The following ST6GALNAC3 variants were observed in gnomAD, a reference collection of about 807,000 sequenced individuals.
ST6GALNAC3 encodes the protein ST6 N-acetylgalactosaminide alpha-2,6-sialyltransferase 3.
A neutral mutation model predicts 32.7 loss-of-function variants in ST6GALNAC3; 25 were observed. The ratio of observed to expected loss-of-function variants is 0.76; its 90% CI spans 0.56 to 1.07. The LOEUF is 1.07. Ranked by LOEUF, ST6GALNAC3 falls within the 50% of genes least tolerant of loss-of-function variation. The pLI is 0.00. For synonymous variants in ST6GALNAC3, 129 were observed against 133.1 expected (o/e 0.97, Z 0.21); for missense variants, 355 against 382.4 (o/e 0.93, Z 0.60).
chr1:76,488,074 G>A (rs2101681229), intron 3 of ST6GALNAC3, among the ~76,000 whole-genome samples: 1 of 152,260 alleles, frequency 6.6e-6, no homozygotes, highest in South Asian at 2.1e-4. Context: ...GAAGAAGAGT[G>A]ATATAGTCTG....
chr1:76,278,305 TCCG>T (rs1459012810), intron 1 of ST6GALNAC3, among the ~76,000 whole-genome samples: 2 of 149,474 alleles, frequency 1.3e-5, no homozygotes, highest in Non-Finnish European at 3.0e-5. Flanking sequence ...CACTGCAAGC[TCCG>T]CCTCCCGGGT....
intron 1 of ST6GALNAC3, among the ~76,000 whole-genome samples, chr1:76,149,958 G>T (rs1016471071): frequency 6.6e-6 from 1 of 152,180 alleles, no homozygotes; most frequent in African/African-American, 2.4e-5. Flanking sequence ...CCTAGAGCCA[G>T]AGCTCACCTG....
intron 3 of ST6GALNAC3, among the ~76,000 whole-genome samples, chr1:76,464,824 A>C (rs1658519589): frequency 6.6e-6 from 1 of 152,302 alleles, no homozygotes; most frequent in Middle Eastern, 3.4e-3. Context: ...TGACTTTCCC[A>C]GGGAAGCACA....
chr1:76,536,464 TA>T (rs986319554), intron 3 of ST6GALNAC3, among the ~76,000 whole-genome samples: 1 of 151,924 alleles, frequency 6.6e-6, no homozygotes, highest in African/African-American at 2.4e-5. Flanking sequence ...AAGCTCCATA[TA>T]AAACCATCAG....
chr1:76,376,074 AGT>A (rs1295135744), intron 2 of ST6GALNAC3, among the ~76,000 whole-genome samples: 4 of 151,672 alleles, frequency 2.6e-5, no homozygotes, highest in Non-Finnish European at 5.9e-5. Flanking sequence ...CTTACTTTTT[AGT>A]GTATATTTCC....
Position 76,313,796 on chromosome 1 carries a change from G to A in ST6GALNAC3, c.19-9G>A. On this transcript the variant is annotated splice_polypyrimidine_tract_variant and intron_variant, in intron 1 of 4. Transcript: ENST00000328299. ...TCGTTCTTCTTTTTGTTTTTTTAAT[G>A]TTTTGTAGAGAAAGTCTGTGATTGC... 1 of 1,611,826 alleles carries A rather than the reference G, an allele frequency of 6.2e-7. No individual in the cohort carries two copies. Among genetic ancestry groups the A allele is most frequent in the Non-Finnish European group, 8.5e-7 (1 of 1,179,050 alleles).
chr1:76,464,628 C>A (rs904058351), intron 3 of ST6GALNAC3, among the ~76,000 whole-genome samples: 2 of 152,166 alleles, frequency 1.3e-5, no homozygotes, highest in African/African-American at 4.8e-5. Flanking sequence ...CATTTAAGCC[C>A]CTGGCAACAG....
intron 1 of ST6GALNAC3, among the ~76,000 whole-genome samples, chr1:76,088,772 GTATC>G (rs1399714661): frequency 1.3e-5 from 2 of 152,216 alleles, no homozygotes; most frequent in African/African-American, 4.8e-5. Context: ...TTATCGCTGT[GTATC>G]TATCATCTAG....
At chr1:76,305,045 C>T (rs1331683487) in intron 1 of ST6GALNAC3, among the ~76,000 whole-genome samples, 1 of 152,076 alleles carries the variant, frequency 6.6e-6, no homozygotes, top group African/African-American at 2.4e-5. Context: ...CTTTCCTCAA[C>T]AGAATGCCCG....
chr1:76,610,160 A>C (rs1286747843), intron 3 of ST6GALNAC3, among the ~76,000 whole-genome samples: 2 of 152,060 alleles, frequency 1.3e-5, no homozygotes, highest in African/African-American at 2.4e-5. Flanking sequence ...ATAGGATTTT[A>C]TTTTCTTAAT....
At chr1:76,085,697 C>A (rs181066870) in intron 1 of ST6GALNAC3, among the ~76,000 whole-genome samples, 27 of 152,276 alleles carry the variant, frequency 1.8e-4, no homozygotes, top group Admixed American at 5.9e-4. Flanking sequence ...GAATTTGTAT[C>A]TCTAACAAGC....
At chr1:76,494,970 C>G (rs907660091) in intron 3 of ST6GALNAC3, among the ~76,000 whole-genome samples, 3 of 152,060 alleles carry the variant, frequency 2.0e-5, no homozygotes, top group East Asian at 1.9e-4. Context: ...TGTCCCAGCT[C>G]AAGGCAGTCA....
intron 3 of ST6GALNAC3, among the ~76,000 whole-genome samples, chr1:76,487,076 A>G (rs1233442495): frequency 6.6e-6 from 1 of 152,116 alleles, no homozygotes; most frequent in East Asian, 1.9e-4. Context: ...TGGCTTGTAG[A>G]GTTTCTGCCA....
At chr1:76,546,690 T>G (rs1664317682) in intron 3 of ST6GALNAC3, among the ~76,000 whole-genome samples, 1 of 152,186 alleles carries the variant, frequency 6.6e-6, no homozygotes. Context: ...GATGCCAAAG[T>G]AGGCCCAGGA....
At chr1:76,322,745 T>C (rs7530506) in intron 2 of ST6GALNAC3, among the ~76,000 whole-genome samples, 147,258 of 149,148 alleles carry the variant, frequency 0.99, 72,735 homozygotes, top group East Asian at 1. Context: ...TATCCACCAC[T>C]GCCCCCCACC....
chr1:76,141,280 A>G lies in ST6GALNAC3; in HGVS notation c.18+66396A>G, dbSNP rs371656291. ...TTAGAACTATCTCCATTTCCAGAAA[A>G]GAGAGGGTTTCTCTCGTCTGTTGCC... is the stretch of plus-strand genomic sequence containing the variant. On this transcript the variant is annotated intron_variant, in intron 1 of 4. Coordinates refer to ENST00000328299, the MANE Select transcript of ST6GALNAC3 (RefSeq NM_152996.4). Among the ~76,000 whole-genome samples, 34 of 152,320 alleles carry G rather than the reference A, an allele frequency of 2.2e-4. No individual in the cohort carries two copies. In the East Asian group the frequency reaches 3.7e-3, roughly 16 times the overall value.
intron 1 of ST6GALNAC3, among the ~76,000 whole-genome samples, chr1:76,151,373 C>T (rs529917778): frequency 6.6e-6 from 1 of 152,174 alleles, no homozygotes. Context: ...ACAGGCGTGG[C>T]TTAAAGATAT....
intron 2 of ST6GALNAC3, among the ~76,000 whole-genome samples, chr1:76,374,431 G>A (rs977251493): frequency 6.6e-6 from 1 of 152,154 alleles, no homozygotes; most frequent in Non-Finnish European, 1.5e-5. Context: ...AAGGGCTACT[G>A]GATATTTACC....
chr1:76,214,074 C>T (rs976205996), intron 1 of ST6GALNAC3, among the ~76,000 whole-genome samples: 2 of 151,982 alleles, frequency 1.3e-5, no homozygotes, highest in Non-Finnish European at 2.9e-5. Flanking sequence ...TTTTTTTCTT[C>T]CCCTTTGAGA....
Sources: allele counts gnomAD v4.1 joint callset (sites outside exome capture counted in the v4.1 genomes callset), GRCh38; gene constraint gnomAD v4.1.1; transcripts MANE v1.5; gene names NCBI Gene and HGNC (gene_info 2026-07-23, HGNC 2026-07-21).